RIMBP2: variants seen among roughly 807,000 people sequenced by gnomAD.
The protein encoded by RIMBP2 is RIMS binding protein 2, also known as RIMS-binding protein 2.
RIMBP2 carries 48 observed loss-of-function variants against 118.6 expected under a neutral mutation model. That is an observed-to-expected ratio of 0.40 (90% confidence interval 0.32 to 0.51). The LOEUF is 0.51. Ranked by LOEUF, RIMBP2 falls within the 20% of genes least tolerant of loss-of-function variation. The probability of loss-of-function intolerance (pLI) is 0.41; values close to 1 mark genes in which losing one functional copy is unlikely to be tolerated. For synonymous variants in RIMBP2, 762 were observed against 742.9 expected (o/e 1.03, Z -0.42); for missense variants, 1,551 against 1,768.3 (o/e 0.88, Z 2.20).
At position 130,456,618 on chromosome 12, in the gene RIMBP2, C is replaced by T. The variant is rs771459544; in HGVS notation, c.236G>A (p.Arg79Gln). ...NLLSRDLEKF[R>Q]QHAGKIDLLG... ...CAGGTCAATCTTGCCAGCGTGCTGC[C>T]GGAACTTCTCCAGGTCCCGGGACAG... The change falls in exon 7 of 23, where the codon CGG becomes CAG. Residue 79 changes from arginine to glutamine, a missense_variant. By Grantham distance (43) the Arg-to-Gln change is conservative. Transcript: ENST00000690449. The T allele has an allele frequency of 2.0e-5, 32 of 1,613,650 alleles. No homozygotes were observed. The highest frequency in any genetic ancestry group is 1.7e-4 in the Middle Eastern group (1 of 6,060).
chr12:130,485,249 G>T (rs1268052996), intron 4 of RIMBP2, among the ~76,000 whole-genome samples: 1 of 152,242 alleles, frequency 6.6e-6, no homozygotes, highest in Non-Finnish European at 1.5e-5. Flanking sequence ...TATATGCAGG[G>T]CACTATGCTT....
Position 130,450,848 on chromosome 12 carries a change from G to A in RIMBP2, c.504+347C>T, listed in dbSNP as rs563843792. On this transcript the variant is annotated intron_variant, in intron 8 of 22. Transcript: ENST00000690449. The surrounding 1 kb of genome is among the most constrained non-coding windows in gnomAD (Gnocchi z 4.8). ...CCATCAATGCCACAGGACAGGACGCGCAGGGCCCTCCCCAACCTCCACAGG... is the reference window on the plus strand; with the variant it reads ...CCATCAATGCCACAGGACAGGACGCACAGGGCCCTCCCCAACCTCCACAGG... 1.3e-4 allele frequency among the ~76,000 whole-genome samples: 19 copies of A among 151,990 alleles called. No homozygotes were observed. Among genetic ancestry groups the A allele is most frequent in the African/African-American group, 2.9e-4 (12 of 41,458 alleles).
At chr12:130,477,103 C>T (rs2081495761) in intron 5 of RIMBP2, among the ~76,000 whole-genome samples, 1 of 152,318 alleles carries the variant, frequency 6.6e-6, no homozygotes, top group African/African-American at 2.4e-5. Context: ...CTCCCTCTGC[C>T]CCTCGCCCCA....
At chr12:130,520,820 A>G (rs925011041) in intron 2 of RIMBP2, among the ~76,000 whole-genome samples, 1 of 152,214 alleles carries the variant, frequency 6.6e-6, no homozygotes, top group Non-Finnish European at 1.5e-5. Flanking sequence ...ATTCAGTGAC[A>G]CAGACAGCCA....
chr12:130,671,588 C>T (rs1170042816), intron 1 of RIMBP2, among the ~76,000 whole-genome samples: 1 of 152,174 alleles, frequency 6.6e-6, no homozygotes, highest in Non-Finnish European at 1.5e-5. Flanking sequence ...GCCAGGGTTG[C>T]TCAGTCTCAA....
Position 130,450,487 on chromosome 12 carries a change from G to GC in RIMBP2, c.505-212dup, listed in dbSNP as rs1349670728. Among the ~76,000 whole-genome samples the GC allele has an allele frequency of 2.0e-5, 3 of 151,884 alleles. No homozygotes were observed. Among genetic ancestry groups the GC allele is most frequent in the Non-Finnish European group, 4.4e-5 (3 of 67,978 alleles). On this transcript the variant is annotated intron_variant, in intron 8 of 22. Coordinates refer to ENST00000690449, the MANE Select transcript of RIMBP2 (RefSeq NM_001393629.1). The surrounding 1 kb of genome is among the most constrained non-coding windows in gnomAD (Gnocchi z 4.8). ...TCGGTGTGGACCCCTTATTACATAG[G>GC]CCCCCTCTGTGTTTGTAGAGAACCC...
At chr12:130,605,836 G>C (rs192336331) in intron 2 of RIMBP2, among the ~76,000 whole-genome samples, 1 of 152,150 alleles carries the variant, frequency 6.6e-6, no homozygotes, top group Non-Finnish European at 1.5e-5. Context: ...GGCCGAGGTG[G>C]GCAGATCATT....
chr12:130,567,961 C>T (rs2057349524), intron 2 of RIMBP2, among the ~76,000 whole-genome samples: 1 of 152,120 alleles, frequency 6.6e-6, no homozygotes, highest in South Asian at 2.1e-4. Context: ...TGCCTTGGAG[C>T]CATCCCACGA....
intron 1 of RIMBP2, among the ~76,000 whole-genome samples, chr12:130,678,397 G>A (rs574879888): frequency 1.3e-5 from 2 of 152,238 alleles, no homozygotes; most frequent in Admixed American, 6.5e-5. Flanking sequence ...GCTGCGCCAC[G>A]GAATATTCCG....
Position 130,623,524 on chromosome 12 carries a change from G to A in RIMBP2, c.-217+4798C>T, listed in dbSNP as rs2061443766. 6.6e-6 allele frequency among the ~76,000 whole-genome samples: 1 copy of A among 152,130 alleles called. No homozygotes were observed. Among genetic ancestry groups the A allele is most frequent in the Non-Finnish European group, 1.5e-5 (1 of 68,028 alleles). Reference sequence around the variant, plus strand: ...TACTGATAATAATTAGGCATGGTTAGGGGACAGTTAGTTAACTGTTGTCAT... The same window carrying A: ...TACTGATAATAATTAGGCATGGTTAAGGGACAGTTAGTTAACTGTTGTCAT... On this transcript the variant is annotated intron_variant, in intron 2 of 22. Coordinates refer to ENST00000690449, the MANE Select transcript of RIMBP2 (RefSeq NM_001393629.1). The surrounding 1 kb of genome is among the most constrained non-coding windows in gnomAD (Gnocchi z 4.1).
At chr12:130,425,538 C>T (rs555194411) in intron 15 of RIMBP2, 1 of 152,546 alleles carries the variant, frequency 6.6e-6, no homozygotes, top group Non-Finnish European at 1.5e-5. Flanking sequence ...TGCATCAAGT[C>T]CCTGAGAGCC....
intron 2 of RIMBP2, among the ~76,000 whole-genome samples, chr12:130,598,898 A>T (rs936498632): frequency 6.6e-6 from 1 of 152,162 alleles, no homozygotes; most frequent in African/African-American, 2.4e-5. Flanking sequence ...GGAATTTTTG[A>T]TGGGGTCTAT....
chr12:130,584,072 C>T (rs1003495652), intron 2 of RIMBP2, among the ~76,000 whole-genome samples: 1 of 151,692 alleles, frequency 6.6e-6, no homozygotes, highest in African/African-American at 2.4e-5. Context: ...ACCATCACCA[C>T]CATCACCTCA....
At chr12:130,546,146 C>G (rs984372972) in intron 2 of RIMBP2, among the ~76,000 whole-genome samples, 1 of 146,856 alleles carries the variant, frequency 6.8e-6, no homozygotes, top group African/African-American at 2.5e-5. Flanking sequence ...CTCTGTTGCC[C>G]AGGCTGGAGT....
At chr12:130,705,888 G>T (rs930359725) in intron 1 of RIMBP2, among the ~76,000 whole-genome samples, 12 of 152,194 alleles carry the variant, frequency 7.9e-5, no homozygotes, top group African/African-American at 2.9e-4. Context: ...TGGTTACTTC[G>T]TGCAAAAGTG....
At chr12:130,496,092 C>T (rs550763621) in intron 4 of RIMBP2, among the ~76,000 whole-genome samples, 14 of 152,284 alleles carry the variant, frequency 9.2e-5, no homozygotes, top group African/African-American at 3.1e-4. Flanking sequence ...CCATGTGATA[C>T]GGTTTGGCTG....
At position 130,450,421 on chromosome 12, in the gene RIMBP2, C is replaced by T; in HGVS notation, c.505-145G>A. On this transcript the variant is annotated intron_variant, in intron 8 of 22. Coordinates refer to ENST00000690449, the MANE Select transcript of RIMBP2 (RefSeq NM_001393629.1). The surrounding 1 kb of genome is among the most constrained non-coding windows in gnomAD (Gnocchi z 4.8). ...GTGGCACTCCCAGGAGGCACTGCCACCCGCACACCCACATGCGAGCTTGGA... is the reference window on the plus strand; with the variant it reads ...GTGGCACTCCCAGGAGGCACTGCCATCCGCACACCCACATGCGAGCTTGGA... 1 of 659,094 alleles carries T rather than the reference C, an allele frequency of 1.5e-6. No individual in the cohort carries two copies. Among genetic ancestry groups the T allele is most frequent in the Non-Finnish European group, 2.8e-6 (1 of 357,548 alleles). The allele number at this position is 659,094 out of a possible 1,614,324, so 40.8% of individuals were successfully genotyped here. A position where few individuals can be genotyped will look rare whatever the true frequency, so the allele number is the denominator to read the frequency against.
At chr12:130,461,393 G>A (rs964948725) in intron 6 of RIMBP2, among the ~76,000 whole-genome samples, 2 of 152,226 alleles carry the variant, frequency 1.3e-5, no homozygotes, top group African/African-American at 2.4e-5. Context: ...GTGGTGAGCA[G>A]GGCAACCAGC....
intron 15 of RIMBP2, chr12:130,425,172 T>G: frequency 3.9e-6 from 1 of 253,970 alleles, no homozygotes; most frequent in Non-Finnish European, 7.4e-6. Context: ...GGCCCCACAG[T>G]GCCCACGGTA....
Sources: allele counts gnomAD v4.1 joint callset (sites outside exome capture counted in the v4.1 genomes callset), GRCh38; gene constraint gnomAD v4.1.1; non-coding constraint Gnocchi (gnomAD v3.1); transcripts MANE v1.5; gene names NCBI Gene and HGNC (gene_info 2026-07-23, HGNC 2026-07-21).